Variants in MAGI2 observed in about 807,000 individuals in gnomAD.
MAGI2 encodes membrane-associated guanylate kinase, WW and PDZ domain-containing protein 2.
In MAGI2, 35 loss-of-function variants were observed where a neutral mutation model predicts 133.3. The ratio of observed to expected loss-of-function variants is 0.26; its 90% CI spans 0.20 to 0.35. The LOEUF is 0.35. MAGI2 is among the 10% of genes least tolerant of loss of function. The pLI is 1.00. For synonymous variants in MAGI2, 729 were observed against 710.6 expected (o/e 1.03, Z -0.41); for missense variants, 1,636 against 1,863.4 (o/e 0.88, Z 2.25).
In MAGI2 at chr7:78,133,414, G is replaced by A. The variant is rs140881042; in HGVS notation, c.3032-354C>T. On this transcript the variant is annotated intron_variant, in intron 17 of 21. Transcript: ENST00000354212. ...TCGCTTGCTGAGAGAAAATGGATCC[G>A]CCACCAGTTTTTGCTTGTAATAAAC... is the stretch of plus-strand genomic sequence containing the variant. Among the ~76,000 whole-genome samples, 47 of 152,206 alleles carry A rather than the reference G, an allele frequency of 3.1e-4. 1 individual carries two copies. Among genetic ancestry groups the A allele is most frequent in the East Asian group, 2.7e-3 (14 of 5,170 alleles).
chr7:79,105,715 G>A (rs373294786), intron 1 of MAGI2, among the ~76,000 whole-genome samples: 18 of 152,090 alleles, frequency 1.2e-4, no homozygotes, highest in African/African-American at 1.4e-4. Context: ...CAACAAACCC[G>A]ACTAACCATT....
intron 2 of MAGI2, chr7:78,946,588 T>G (rs908791270): frequency 1.3e-5 from 2 of 152,192 alleles, no homozygotes; most frequent in Non-Finnish European, 2.9e-5. Flanking sequence ...CAGCCTAAAC[T>G]TGTCTTTCTG....
intron 6 of MAGI2, chr7:78,485,407 G>C (rs1233491159): frequency 1.3e-5 from 2 of 151,952 alleles, no homozygotes; most frequent in Non-Finnish European, 2.9e-5. Flanking sequence ...GTGAGAGAAG[G>C]AAGTATGTTT....
chr7:78,453,469 T>A (rs1218069758), intron 6 of MAGI2, among the ~76,000 whole-genome samples: 1 of 152,236 alleles, frequency 6.6e-6, no homozygotes, highest in South Asian at 2.1e-4. Flanking sequence ...CTTGCAATAA[T>A]GTCCTTGGGT....
rs112261527 is a variant in MAGI2 at position 78,622,849 on chromosome 7, G to A, written c.538+4271C>T. ...TATACAATGTGTATTTGTAAGCAAT[G>A]GTATTGATACAATTGTCAAAGTCTT... On this transcript the variant is annotated intron_variant, in intron 3 of 21. Coordinates refer to ENST00000354212, the MANE Select transcript of MAGI2 (RefSeq NM_012301.4). 3.4e-3 allele frequency among the ~76,000 whole-genome samples: 510 copies of A among 152,022 alleles called. 5 individuals are homozygous for A. Among genetic ancestry groups the A allele is most frequent in the African/African-American group, 0.012 (482 of 41,484 alleles).
chr7:78,023,895 G>A (rs1303873681), intron 21 of MAGI2, among the ~76,000 whole-genome samples: 1 of 152,202 alleles, frequency 6.6e-6, no homozygotes, highest in Non-Finnish European at 1.5e-5. Context: ...ACACAGTACA[G>A]CAGTTGTTGA....
chr7:78,396,404 T>C (rs1796349704), intron 6 of MAGI2, among the ~76,000 whole-genome samples: 1 of 152,168 alleles, frequency 6.6e-6, no homozygotes, highest in Non-Finnish European at 1.5e-5. Context: ...TCTCTGAATG[T>C]GTCAAGTCCA....
chr7:78,492,998 G>A (rs1376367277), intron 5 of MAGI2, among the ~76,000 whole-genome samples: 1 of 152,118 alleles, frequency 6.6e-6, no homozygotes, highest in African/African-American at 2.4e-5. Flanking sequence ...AAAGCCAGTG[G>A]ATATTTAAGT....
intron 1 of MAGI2, among the ~76,000 whole-genome samples, chr7:79,101,450 C>T (rs1192510579): frequency 6.6e-6 from 1 of 151,984 alleles, no homozygotes; most frequent in African/African-American, 2.4e-5. Flanking sequence ...TGGGGCCGGG[C>T]GCAGTGTCTC....
chr7:78,322,342 A>C (rs1788089434), intron 9 of MAGI2, among the ~76,000 whole-genome samples: 1 of 152,224 alleles, frequency 6.6e-6, no homozygotes, highest in African/African-American at 2.4e-5. Context: ...TTACAATAGC[A>C]AAGACTTGGA....
intron 1 of MAGI2, among the ~76,000 whole-genome samples, chr7:79,041,073 GTATCAAAA>G (rs1226752827): frequency 6.6e-6 from 1 of 152,078 alleles, no homozygotes; most frequent in African/African-American, 2.4e-5. Flanking sequence ...TTCTACACAT[GTATCAAAA>G]TATCAAAATA....
At chr7:78,743,475 G>A (rs890191579) in intron 2 of MAGI2, among the ~76,000 whole-genome samples, 1 of 152,160 alleles carries the variant, frequency 6.6e-6, no homozygotes, top group Non-Finnish European at 1.5e-5. Flanking sequence ...AAAGGGTTAA[G>A]TGTTCTTTCT....
chr7:79,378,940 A>ATATGTGTGTG (rs1843575455), intron 1 of MAGI2, among the ~76,000 whole-genome samples: 1 of 63,372 alleles, frequency 1.6e-5, no homozygotes, highest in Non-Finnish European at 3.2e-5. Context: ...ATATATATAT[A>ATATGTGTGTG]TATATATATA....
At chr7:79,393,034 C>A (rs1373093769) in intron 1 of MAGI2, among the ~76,000 whole-genome samples, 1 of 152,170 alleles carries the variant, frequency 6.6e-6, no homozygotes, top group Non-Finnish European at 1.5e-5. Flanking sequence ...ATGATTGGTA[C>A]TCATCAAAAA....
intron 2 of MAGI2, among the ~76,000 whole-genome samples, chr7:78,965,989 A>C (rs1803273462): frequency 1.3e-5 from 2 of 152,094 alleles, no homozygotes; most frequent in South Asian, 4.1e-4. Flanking sequence ...TTCAGGATAT[A>C]AGGCCCAAGT....
intron 3 of MAGI2, chr7:78,567,844 G>A (rs920529157): frequency 5.9e-5 from 9 of 152,210 alleles, no homozygotes; most frequent in South Asian, 2.1e-4. Flanking sequence ...CTCCCTATGG[G>A]AAGTCCACAC....
At chr7:79,046,850 A>G (rs1378515909) in intron 1 of MAGI2, among the ~76,000 whole-genome samples, 1 of 152,222 alleles carries the variant, frequency 6.6e-6, no homozygotes, top group Non-Finnish European at 1.5e-5. Flanking sequence ...TGAAGAAGAA[A>G]TGTGTAGTGC....
At chr7:78,343,576 G>A (rs1421680808) in intron 9 of MAGI2, among the ~76,000 whole-genome samples, 1 of 152,030 alleles carries the variant, frequency 6.6e-6, no homozygotes. Context: ...AAAAAAGAAG[G>A]CAAAAATTAT....
intron 2 of MAGI2, among the ~76,000 whole-genome samples, chr7:78,702,033 A>G (rs1167004124): frequency 6.6e-6 from 1 of 151,992 alleles, no homozygotes; most frequent in Non-Finnish European, 1.5e-5. Context: ...ACTCCCCTTG[A>G]GAAAGGAATA....
Sources: gnomAD v4.1 joint callset for allele counts (sites outside exome capture counted in the v4.1 genomes callset) on GRCh38, gnomAD v4.1.1 for gene constraint, MANE v1.5 for transcripts, NCBI Gene and HGNC (gene_info 2026-07-23, HGNC 2026-07-21) for gene names.